The following CSF2RA variants were observed in gnomAD, a reference collection of about 807,000 sequenced individuals.
The protein encoded by CSF2RA is granulocyte-macrophage colony-stimulating factor receptor subunit alpha.
Under a neutral mutation model 51.6 loss-of-function variants are expected in CSF2RA, and 42 were observed. The ratio of observed to expected loss-of-function variants is 0.81; its 90% CI spans 0.64 to 1.05. The LOEUF (loss-of-function observed/expected upper bound fraction) is 1.05, where lower values mean the gene tolerates loss of function less well. Among genes scored for constraint, CSF2RA ranks in the 50% least tolerant of loss-of-function variants. The pLI is 0.00. For synonymous variants in CSF2RA, 222 were observed against 193.0 expected (o/e 1.15, Z -1.24); for missense variants, 530 against 501.1 (o/e 1.06, Z -0.55).
the CSF2RA span, among the ~76,000 whole-genome samples, chrX:1,317,854 C>A: frequency 6.6e-6 from 1 of 151,890 alleles, no homozygotes; most frequent in South Asian, 2.1e-4. Flanking sequence ...TTTGCCCAGG[C>A]TGGAGTGCAG....
intron 7 of CSF2RA, among the ~76,000 whole-genome samples, chrX:1,292,752 C>T (rs192531004): frequency 1.3e-5 from 2 of 152,238 alleles, no homozygotes; most frequent in East Asian, 3.9e-4. Context: ...GGGTTTTACA[C>T]GGAGACATTC....
chrX:1,304,650 T>TTTTG (rs1373997240), intron 11 of CSF2RA, among the ~76,000 whole-genome samples: 1 of 115,976 alleles, frequency 8.6e-6, no homozygotes, highest in Non-Finnish European at 1.8e-5. Context: ...GTGGGTTTTT[T>TTTTG]TTTGTTTGTT....
intron 2 of CSF2RA, among the ~76,000 whole-genome samples, chrX:1,277,982 A>C (rs2089419168): frequency 6.8e-6 from 1 of 147,620 alleles, no homozygotes; most frequent in Non-Finnish European, 1.5e-5. Flanking sequence ...GTCTCAAAAA[A>C]AAAAAAAAAA....
chrX:1,314,415 T>TACTGCACTTGCCCAACCGC (rs2084369158), downstream of CSF2RA, among the ~76,000 whole-genome samples: 3 of 29,076 alleles, frequency 1.0e-4, no homozygotes, highest in African/African-American at 5.1e-4. Flanking sequence ...TGCCTAACCG[T>TACTGCACTTGCCCAACCGC]ACTGCACCTG....
chrX:1,323,134 A>AAATAC, the CSF2RA span, among the ~76,000 whole-genome samples: 1 of 129,326 alleles, frequency 7.7e-6, no homozygotes, highest in South Asian at 2.3e-4. Flanking sequence ...GTCTCAAAAA[A>AAATAC]AATACAATAC....
chrX:1,273,957 T>G (rs2088815025), intron 1 of CSF2RA, among the ~76,000 whole-genome samples: 1 of 151,838 alleles, frequency 6.6e-6, no homozygotes, highest in Admixed American at 6.6e-5. Context: ...TGGGGTAAAA[T>G]ATCATGATTT....
intron 4 of CSF2RA, among the ~76,000 whole-genome samples, chrX:1,287,632 C>T (rs1470487552): frequency 7.7e-5 from 11 of 143,174 alleles, no homozygotes; most frequent in Non-Finnish European, 1.2e-4. Flanking sequence ...TTAGTAGAGA[C>T]GGGGTTTCAC....
chrX:1,288,461 G>C (rs1211550146), intron 4 of CSF2RA, 58 bp from the exon 5 acceptor site: 5 of 1,612,602 alleles, frequency 3.1e-6, no homozygotes, highest in African/African-American at 2.7e-5. Flanking sequence ...CAGCCTGGGA[G>C]ACTGTAGGAG....
downstream of CSF2RA, among the ~76,000 whole-genome samples, chrX:1,314,066 A>G (rs187840985): frequency 2.8e-4 from 43 of 152,080 alleles, no homozygotes; most frequent in East Asian, 7.9e-3. Flanking sequence ...CAGCAGAGAT[A>G]GGGCCTAGGA....
downstream of CSF2RA, among the ~76,000 whole-genome samples, chrX:1,314,851 C>G (rs1471265450): frequency 7.9e-4 from 67 of 84,368 alleles, 3 homozygotes; most frequent in African/African-American, 1.7e-3. Flanking sequence ...CTGCCCAATC[C>G]CACTGCACCT....
At chrX:1,301,699 C>A (rs1326694944) in intron 10 of CSF2RA, among the ~76,000 whole-genome samples, 5 of 149,862 alleles carry the variant, frequency 3.3e-5, no homozygotes, top group African/African-American at 1.2e-4. Flanking sequence ...TGGGTTCACG[C>A]CATTCTCCTG....
chrX:1,316,753 C>T, the CSF2RA span, among the ~76,000 whole-genome samples: 1 of 152,300 alleles, frequency 6.6e-6, no homozygotes, highest in South Asian at 2.1e-4. Context: ...CGTCTCTCAT[C>T]CTGTTGAGTC....
chrX:1,291,719 C>A (rs1300554389), intron 7 of CSF2RA, among the ~76,000 whole-genome samples: 1 of 152,134 alleles, frequency 6.6e-6, no homozygotes, highest in African/African-American at 2.4e-5. Context: ...GCCCCACCTC[C>A]ACTTGGACCC....
intron 2 of CSF2RA, among the ~76,000 whole-genome samples, chrX:1,275,537 A>G (rs1431977959): frequency 6.6e-6 from 1 of 151,666 alleles, no homozygotes; most frequent in South Asian, 2.1e-4. Flanking sequence ...TTGTTTGTTT[A>G]CTTATTTTAC....
chrX:1,300,816 G>A (rs2092316404), intron 10 of CSF2RA, among the ~76,000 whole-genome samples, 190 bp downstream of exon 10: 1 of 152,088 alleles, frequency 6.6e-6, no homozygotes, highest in African/African-American at 2.4e-5. Flanking sequence ...CCGCAACATT[G>A]CTTTGCTGAT....
chrX:1,269,068 C>G (rs2087981435), intron 1 of CSF2RA, among the ~76,000 whole-genome samples, 189 bp downstream of exon 1: 1 of 151,898 alleles, frequency 6.6e-6, no homozygotes, highest in Non-Finnish European at 1.5e-5. Context: ...TATGAGTTGT[C>G]TTCTGCCTTT....
At chrX:1,281,115 C>CCTT (rs2089976403) in intron 2 of CSF2RA, among the ~76,000 whole-genome samples, 1 of 75,744 alleles carries the variant, frequency 1.3e-5, no homozygotes, top group Non-Finnish European at 2.9e-5. Context: ...TCCTCCTTCT[C>CCTT]CTCCTCCTCC....
chrX:1,292,357 A>G (rs1232868867), intron 7 of CSF2RA, among the ~76,000 whole-genome samples: 2 of 152,192 alleles, frequency 1.3e-5, no homozygotes, highest in Non-Finnish European at 2.9e-5. Context: ...GAGAAAAGAA[A>G]TAAGACACAG....
At chrX:1,287,684 T>C (rs2090907100) in intron 4 of CSF2RA, among the ~76,000 whole-genome samples, 1 of 139,826 alleles carries the variant, frequency 7.2e-6, no homozygotes. Flanking sequence ...CCTCAAGTGA[T>C]CCACCCGCCT....
Sources: allele counts gnomAD v4.1 joint callset (sites outside exome capture counted in the v4.1 genomes callset), GRCh38; gene constraint gnomAD v4.1.1; transcripts MANE v1.5; gene names NCBI Gene and HGNC (gene_info 2026-07-23, HGNC 2026-07-21).